NPFFR2: variants seen among roughly 807,000 people sequenced by gnomAD.
NPFFR2 encodes neuropeptide FF receptor 2, also known as G-protein coupled receptor 74.
A neutral mutation model predicts 13.1 loss-of-function variants in NPFFR2; 15 were observed. That is an observed-to-expected ratio of 1.15 (90% CI 0.77 to 1.76). NPFFR2 has a LOEUF of 1.76. Among genes scored for constraint, NPFFR2 ranks in the 40% most tolerant of loss-of-function variants. NPFFR2 has a pLI of 0.00. For missense variants in NPFFR2, 572 were observed against 503.5 expected (o/e 1.14, Z -1.30); for synonymous variants, 190 against 175.7 (o/e 1.08, Z -0.65).
rs1720167360 is a variant in NPFFR2 at position 72,069,103 on chromosome 4, A to G, written c.-8+36903A>G. The stretch of plus-strand genomic sequence containing the variant: ...CTTAAGCTATTCTGATGAGGAAAAG[A>G]TAAGAATAGCATAACAGTAATGCTA... On this transcript the variant is annotated intron_variant, in intron 1 of 3. Coordinates refer to ENST00000308744, the MANE Select transcript of NPFFR2 (RefSeq NM_004885.3). 4 of 477,674 alleles carry G rather than the reference A, an allele frequency of 8.4e-6. No homozygotes were observed. In the South Asian group the frequency reaches 1.6e-4, roughly 19 times the overall value. The allele number at this position is 477,674 out of a possible 1,614,324, so 29.6% of individuals were successfully genotyped here.
At chr4:72,095,822 G>C (rs1406484533) in intron 1 of NPFFR2, among the ~76,000 whole-genome samples, 1 of 152,112 alleles carries the variant, frequency 6.6e-6, no homozygotes, top group South Asian at 2.1e-4. Flanking sequence ...AACTCAGAAA[G>C]TTCACGGGGC....
intron 1 of NPFFR2, among the ~76,000 whole-genome samples, chr4:72,033,584 G>C (rs1718978364): frequency 6.6e-6 from 1 of 151,970 alleles, no homozygotes; most frequent in Non-Finnish European, 1.5e-5. Flanking sequence ...ATTTCTTCAT[G>C]TCTATAGAAA....
At chr4:72,092,910 C>T (rs1720954571) in intron 1 of NPFFR2, among the ~76,000 whole-genome samples, 1 of 151,778 alleles carries the variant, frequency 6.6e-6, no homozygotes, top group Admixed American at 6.6e-5. Context: ...TTCTTTTCAT[C>T]ATATTGTTTT....
intron 1 of NPFFR2, among the ~76,000 whole-genome samples, chr4:72,078,450 G>C (rs1720506751): frequency 6.6e-6 from 1 of 152,138 alleles, no homozygotes; most frequent in South Asian, 2.1e-4. Flanking sequence ...AGTTTCAAAA[G>C]ATCTGGTGCT....
At chr4:72,137,992 G>C (rs1481988054) in intron 2 of NPFFR2, 48 bp from the exon 3 acceptor site, 30 of 1,413,394 alleles carry the variant, frequency 2.1e-5, no homozygotes, top group Non-Finnish European at 3.0e-5. Context: ...TTTTCAGTGA[G>C]ATTTTGAAAA....
rs776607349 is a variant in NPFFR2 at position 72,147,842 on chromosome 4, C to G, written c.*30C>G. 44 of 1,399,766 alleles carry G rather than the reference C, an allele frequency of 3.1e-5. No individual in the cohort carries two copies. The highest frequency in any genetic ancestry group is 4.1e-5 in the Non-Finnish European group (42 of 1,032,092). 86.7% of individuals were successfully genotyped at this position (1,399,766 alleles called of 1,614,324 possible). On this transcript the variant is annotated 3_prime_UTR_variant, in exon 4 of 4. Coordinates refer to ENST00000308744, the MANE Select transcript of NPFFR2 (RefSeq NM_004885.3). ...AGCTAGTGTGATAATCCTAACTCTACTACGCATTATATATTTAAATCCATT... is the reference window on the plus strand; with the variant it reads ...AGCTAGTGTGATAATCCTAACTCTAGTACGCATTATATATTTAAATCCATT...
chr4:72,067,045 C>A (rs370991435), intron 1 of NPFFR2, among the ~76,000 whole-genome samples: 343 of 26,726 alleles, frequency 0.013, 4 homozygotes, highest in African/African-American at 0.02. Flanking sequence ...AACACATGAG[C>A]AACAGTCCTC....
chr4:72,105,083 C>A (rs1721381922), intron 1 of NPFFR2, among the ~76,000 whole-genome samples: 1 of 150,358 alleles, frequency 6.7e-6, no homozygotes, highest in Non-Finnish European at 1.5e-5. Context: ...TATTTACCAA[C>A]TTTGATTTTT....
At chr4:72,065,525 T>G (rs1560399804) in intron 1 of NPFFR2, among the ~76,000 whole-genome samples, 1 of 152,232 alleles carries the variant, frequency 6.6e-6, no homozygotes, top group African/African-American at 2.4e-5. Context: ...TATGTTAGTA[T>G]AATTACTGAA....
intron 1 of NPFFR2, among the ~76,000 whole-genome samples, chr4:72,054,888 A>G (rs943802224): frequency 9.9e-5 from 15 of 151,886 alleles, no homozygotes; most frequent in African/African-American, 3.6e-4. Context: ...CTAAAAAACA[A>G]TGAGACATCT....
chr4:72,073,945 G>T (rs1720344177), intron 1 of NPFFR2, among the ~76,000 whole-genome samples: 1 of 148,784 alleles, frequency 6.7e-6, no homozygotes, highest in African/African-American at 2.5e-5. Flanking sequence ...CAGAAAAAAA[G>T]ATGGTAATGC....
At chr4:72,032,909 C>T (rs1718962492) in intron 1 of NPFFR2, among the ~76,000 whole-genome samples, 2 of 152,162 alleles carry the variant, frequency 1.3e-5, no homozygotes, top group South Asian at 4.1e-4. Flanking sequence ...TGTTCATCTC[C>T]CATTTCCCCT....
At chr4:72,118,230 G>C (rs1380144491) in intron 1 of NPFFR2, among the ~76,000 whole-genome samples, 2 of 152,154 alleles carry the variant, frequency 1.3e-5, no homozygotes, top group Non-Finnish European at 2.9e-5. Flanking sequence ...TAGCGGATTA[G>C]TTAATTTGGT....
At chr4:72,106,027 C>T (rs1721410647) in intron 1 of NPFFR2, among the ~76,000 whole-genome samples, 1 of 151,898 alleles carries the variant, frequency 6.6e-6, no homozygotes, top group Admixed American at 6.6e-5. Context: ...GATAAAAAGA[C>T]CCAGGATTAG....
At chr4:72,119,143 T>C (rs1318050369) in intron 1 of NPFFR2, among the ~76,000 whole-genome samples, 1 of 152,172 alleles carries the variant, frequency 6.6e-6, no homozygotes, top group Non-Finnish European at 1.5e-5. Flanking sequence ...TAAAAATGCA[T>C]AGCACCTGTA....
chr4:72,050,737 A>G (rs1312944075), intron 1 of NPFFR2, among the ~76,000 whole-genome samples: 2 of 151,272 alleles, frequency 1.3e-5, no homozygotes, highest in African/African-American at 4.9e-5. Context: ...AGCATTAGGT[A>G]TATCTCCCAA....
At chr4:72,141,453 T>A (rs527914738) in intron 3 of NPFFR2, among the ~76,000 whole-genome samples, 1 of 152,348 alleles carries the variant, frequency 6.6e-6, no homozygotes, top group South Asian at 2.1e-4. Context: ...GATTCTGGTA[T>A]GTTGTGTCTT....
At chr4:72,073,642 C>G (rs546271470) in intron 1 of NPFFR2, among the ~76,000 whole-genome samples, 5 of 151,818 alleles carry the variant, frequency 3.3e-5, no homozygotes, top group Admixed American at 2.0e-4. Flanking sequence ...ACATTTTTTT[C>G]TACATAATGG....
chr4:72,088,455 T>C (rs574653482), intron 1 of NPFFR2, among the ~76,000 whole-genome samples: 1 of 152,222 alleles, frequency 6.6e-6, no homozygotes, highest in African/African-American at 2.4e-5. Context: ...TTATAGAATA[T>C]ACATATATAT....
Sources: allele counts gnomAD v4.1 joint callset (sites outside exome capture counted in the v4.1 genomes callset), GRCh38; gene constraint gnomAD v4.1.1; transcripts MANE v1.5; gene names NCBI Gene and HGNC (gene_info 2026-07-23, HGNC 2026-07-21).